DSCAM: variants seen among roughly 807,000 people sequenced by gnomAD.
DSCAM encodes the protein cell adhesion molecule DSCAM.
Under a neutral mutation model 217.7 loss-of-function variants are expected in DSCAM, and 47 were observed. The observed-to-expected ratio is 0.22, with a 90% confidence interval of 0.17 to 0.28. The LOEUF (loss-of-function observed/expected upper bound fraction) is 0.28, where lower values mean the gene tolerates loss of function less well. Ranked by LOEUF, DSCAM falls within the 10% of genes least tolerant of loss-of-function variation. DSCAM has a pLI of 1.00. For synonymous variants in DSCAM, 1,056 were observed against 1,015.3 expected (o/e 1.04, Z -0.76); for missense variants, 2,080 against 2,618.3 (o/e 0.79, Z 4.49).
At chr21:40,363,692 A>G (rs1450955410) in intron 4 of DSCAM, among the ~76,000 whole-genome samples, 2 of 152,232 alleles carry the variant, frequency 1.3e-5, no homozygotes, top group Non-Finnish European at 2.9e-5. Flanking sequence ...ATCTAATTAA[A>G]CTAAAGATCT....
chr21:40,551,375 C>T (rs1180827194), intron 3 of DSCAM, among the ~76,000 whole-genome samples: 4 of 152,134 alleles, frequency 2.6e-5, no homozygotes, highest in African/African-American at 9.7e-5. Flanking sequence ...ATCTAAAGAC[C>T]TGGAATCAGT....
chr21:40,815,495 TCCA>T (rs1274730600), intron 1 of DSCAM, among the ~76,000 whole-genome samples: 1 of 152,134 alleles, frequency 6.6e-6, no homozygotes, highest in Admixed American at 6.5e-5. Context: ...GACAAAATTT[TCCA>T]CCACTAATCA....
At chr21:40,668,818 C>T (rs2146395826) in intron 3 of DSCAM, among the ~76,000 whole-genome samples, 1 of 152,194 alleles carries the variant, frequency 6.6e-6, no homozygotes, top group East Asian at 1.9e-4. Flanking sequence ...CTCCAGACCA[C>T]CCAGAGATGC....
chr21:40,547,674 G>A lies in DSCAM; in HGVS notation c.508+145136C>T, dbSNP rs567237834. Among the ~76,000 whole-genome samples the A allele has an allele frequency of 2.6e-5, 4 of 152,282 alleles. No individual in the cohort carries two copies. In the South Asian group the frequency reaches 8.3e-4, roughly 32 times the overall value. ...CCGGTGGAATCAAAAGGCAGGTCAT[G>A]AGAACCAGCCACAGGGGACCTCTTC... On this transcript the variant is annotated intron_variant, in intron 3 of 32. Transcript: ENST00000400454.
intron 1 of DSCAM, among the ~76,000 whole-genome samples, chr21:40,746,688 G>A (rs1277198672): frequency 2.0e-5 from 3 of 151,790 alleles, no homozygotes; most frequent in East Asian, 1.9e-4. Context: ...ACAAAGAGAC[G>A]TTGGATTTAA....
intron 4 of DSCAM, among the ~76,000 whole-genome samples, chr21:40,368,881 T>C (rs2074862857): frequency 6.6e-6 from 1 of 152,250 alleles, no homozygotes; most frequent in South Asian, 2.1e-4. Flanking sequence ...CATCATTATG[T>C]GAATGTGTCA....
At chr21:40,531,175 G>A (rs2076443472) in intron 3 of DSCAM, among the ~76,000 whole-genome samples, 1 of 152,178 alleles carries the variant, frequency 6.6e-6, no homozygotes, top group Non-Finnish European at 1.5e-5. Flanking sequence ...ACCAAGGCTT[G>A]CAGGACATGG....
At position 40,296,184 on chromosome 21, in the gene DSCAM, G is replaced by A. The variant is rs1011465488; in HGVS notation, c.2063-10C>T. The stretch of plus-strand genomic sequence containing the variant: ...ACAAACTTGGGAGGAACTGAAAAGA[G>A]AGAAATGTCACCAGTAATTAAGACT... On this transcript the variant is annotated splice_polypyrimidine_tract_variant and intron_variant, in intron 9 of 32. Coordinates refer to ENST00000400454, the MANE Select transcript of DSCAM (RefSeq NM_001389.5). The A allele has an allele frequency of 1.2e-6, 2 of 1,613,480 alleles. No individual in the cohort carries two copies. Among genetic ancestry groups the A allele is most frequent in the African/African-American group, 2.7e-5 (2 of 74,886 alleles).
intron 14 of DSCAM, among the ~76,000 whole-genome samples, chr21:40,183,956 G>C (rs1247150389): frequency 2.6e-5 from 4 of 152,152 alleles, no homozygotes; most frequent in African/African-American, 9.7e-5. Context: ...GGCACTATGA[G>C]GGGCACAGGG....
At position 40,443,507 on chromosome 21, in the gene DSCAM, G is replaced by C. The variant is rs1225732252; in HGVS notation, c.509-74262C>G. Among the ~76,000 whole-genome samples the C allele has an allele frequency of 2.6e-5, 4 of 152,058 alleles. No homozygotes were observed. The East Asian group carries it at 5.8e-4, about 22-fold the overall frequency. On this transcript the variant is annotated intron_variant, in intron 3 of 32. Transcript: ENST00000400454. The stretch of plus-strand genomic sequence containing the variant: ...GTGTTCCCGTCTGTGTTCCTGCTGG[G>C]GAAGCCAGGTTTCCACAGTCCTACT...
At position 40,266,659 on chromosome 21, in the gene DSCAM, AT is replaced by A. The variant is rs1569031966; in HGVS notation, c.2356+9437del. On this transcript the variant is annotated intron_variant, in intron 11 of 32. Transcript: ENST00000400454. ...TTTATATATATATATATATATATAT[AT>A]ATATATATATAATCTTGAAATTTTA... Among the ~76,000 whole-genome samples, 63 of 124,878 alleles carry A rather than the reference AT, an allele frequency of 5.0e-4. 3 individuals are homozygous for A. Among genetic ancestry groups the A allele is most frequent in the African/African-American group, 1.9e-3 (57 of 29,254 alleles). The allele number at this position is 124,878 out of a possible 152,430, so 81.9% of individuals were successfully genotyped here. A position where few individuals can be genotyped will look rare whatever the true frequency, so the allele number is the denominator to read the frequency against.
chr21:40,269,354 T>C (rs1056901370), intron 11 of DSCAM, among the ~76,000 whole-genome samples: 1 of 152,228 alleles, frequency 6.6e-6, no homozygotes, highest in African/African-American at 2.4e-5. Flanking sequence ...ATTCTGGTTG[T>C]CTGCCCATCC....
chr21:40,223,832 G>C (rs2091309268), intron 11 of DSCAM, among the ~76,000 whole-genome samples: 1 of 152,192 alleles, frequency 6.6e-6, no homozygotes, highest in Non-Finnish European at 1.5e-5. Flanking sequence ...CTAAAACAGA[G>C]AGGGTGCTCA....
Position 40,526,155 on chromosome 21 carries a change from G to A in DSCAM, c.509-156910C>T, listed in dbSNP as rs187008372. Among the ~76,000 whole-genome samples, 26 of 152,300 alleles carry A rather than the reference G, an allele frequency of 1.7e-4. 1 individual carries two copies. The highest frequency in any genetic ancestry group is 3.1e-4 in the Non-Finnish European group (21 of 68,028). On this transcript the variant is annotated intron_variant, in intron 3 of 32. Coordinates refer to ENST00000400454, the MANE Select transcript of DSCAM (RefSeq NM_001389.5). ...GATCTTGCTTCTCGGGGAGCCCAGCGTCAGAGGCTCCCATCAACCTCCCAG... is the reference window on the plus strand; with the variant it reads ...GATCTTGCTTCTCGGGGAGCCCAGCATCAGAGGCTCCCATCAACCTCCCAG...
chr21:40,276,017 T>C (rs2073681523), intron 11 of DSCAM, 80 bp downstream of exon 11: 2 of 1,412,102 alleles, frequency 1.4e-6, no homozygotes, highest in Non-Finnish European at 9.4e-7. Flanking sequence ...AACAGGTATG[T>C]ATGGAGACAA....
rs1357911826 is a variant in DSCAM, at chr21:40,033,264, C to A, written c.5686+9107G>T. Among the ~76,000 whole-genome samples, 4 of 152,264 alleles carry A rather than the reference C, an allele frequency of 2.6e-5. 1 individual carries two copies. The South Asian group carries it at 8.3e-4, about 32-fold the overall frequency. On this transcript the variant is annotated intron_variant, in intron 32 of 32. Coordinates refer to ENST00000400454, the MANE Select transcript of DSCAM (RefSeq NM_001389.5). Reference sequence around the variant, plus strand: ...ATTTCGGCATTTCCATCTGAGGTACCGGGTTCATCTCACTAGGGAGTGCCA... The same window carrying A: ...ATTTCGGCATTTCCATCTGAGGTACAGGGTTCATCTCACTAGGGAGTGCCA...
chr21:40,326,320 T>C (rs961444408), intron 8 of DSCAM, among the ~76,000 whole-genome samples: 2 of 152,206 alleles, frequency 1.3e-5, no homozygotes, highest in African/African-American at 2.4e-5. Context: ...CTAGGCGTTC[T>C]TGTCTTCAGG....
intron 11 of DSCAM, among the ~76,000 whole-genome samples, chr21:40,200,793 T>G (rs1254763867): frequency 2.6e-5 from 4 of 152,170 alleles, no homozygotes; most frequent in Non-Finnish European, 5.9e-5. Context: ...AAGGCTGTAA[T>G]GAGGATTAAT....
At chr21:40,477,526 A>G (rs1263299783) in intron 3 of DSCAM, among the ~76,000 whole-genome samples, 1 of 152,142 alleles carries the variant, frequency 6.6e-6, no homozygotes, top group Non-Finnish European at 1.5e-5. Context: ...TTTCCACCAT[A>G]TGTACTTACA....
Sources: allele counts gnomAD v4.1 joint callset (sites outside exome capture counted in the v4.1 genomes callset), GRCh38; gene constraint gnomAD v4.1.1; transcripts MANE v1.5; gene names NCBI Gene and HGNC (gene_info 2026-07-23, HGNC 2026-07-21).